The following PDXDC1 variants were observed in gnomAD, a reference collection of about 807,000 sequenced individuals.
The protein encoded by PDXDC1 is pyridoxal-dependent decarboxylase domain-containing protein 1.
A neutral mutation model predicts 100.1 loss-of-function variants in PDXDC1; 42 were observed. The ratio of observed to expected loss-of-function variants is 0.42; its 90% CI spans 0.33 to 0.54. The LOEUF (loss-of-function observed/expected upper bound fraction) is 0.54, where lower values mean the gene tolerates loss of function less well. Ranked by LOEUF, PDXDC1 falls within the 20% of genes least tolerant of loss-of-function variation. The probability of loss-of-function intolerance (pLI) is 0.10; values close to 1 mark genes in which losing one functional copy is unlikely to be tolerated. For missense variants in PDXDC1, 636 were observed against 979.2 expected (o/e 0.65, Z 4.68); for synonymous variants, 260 against 371.7 (o/e 0.70, Z 3.46).
chr16:15,140,222 A>T (rs1369026842), downstream of PDXDC1, among the ~76,000 whole-genome samples: 1 of 151,182 alleles, frequency 6.6e-6, no homozygotes, highest in African/African-American at 2.4e-5. Flanking sequence ...AGGCGGGCGG[A>T]TCACCTGAGG....
intron 16 of PDXDC1, chr16:15,094,286 C>G: frequency 7.1e-7 from 1 of 1,404,296 alleles, no homozygotes; most frequent in Non-Finnish European, 9.8e-7. Flanking sequence ...CAGCTCCTTC[C>G]AGCCACAGCC....
chr16:15,041,318 C>T (rs2043805305), downstream of PDXDC1, among the ~76,000 whole-genome samples: 1 of 152,112 alleles, frequency 6.6e-6, no homozygotes, highest in Admixed American at 6.5e-5. Flanking sequence ...CTGGCAGCTG[C>T]AGAATCGGTC....
intron 16 of PDXDC1, chr16:15,133,581 C>G (rs1463187595): frequency 9.2e-7 from 1 of 1,084,470 alleles, no homozygotes; most frequent in African/African-American, 1.6e-5. Context: ...GGGGGCAGCA[C>G]GGCTCCGTAG....
At chr16:15,106,674 G>A (rs2046816360) in intron 16 of PDXDC1, among the ~76,000 whole-genome samples, 1 of 144,828 alleles carries the variant, frequency 6.9e-6, no homozygotes, top group African/African-American at 2.4e-5. Flanking sequence ...GGAATCACTT[G>A]AACCTGGGAG....
intron 1 of PDXDC1, among the ~76,000 whole-genome samples, chr16:14,985,354 C>T (rs1305724843): frequency 2.2e-5 from 3 of 138,822 alleles, no homozygotes; most frequent in East Asian, 2.3e-4. Context: ...GTGGCACAAT[C>T]TCGGCTTACT....
At chr16:14,993,373 A>G (rs1281524437) in intron 1 of PDXDC1, among the ~76,000 whole-genome samples, 1 of 145,514 alleles carries the variant, frequency 6.9e-6, no homozygotes, top group East Asian at 2.1e-4. Context: ...TTTCCCACCT[A>G]TGAGTGAGAA....
chr16:15,108,306 T>C (rs1328969908), intron 16 of PDXDC1: 8 of 934,612 alleles, frequency 8.6e-6, no homozygotes, highest in African/African-American at 1.8e-5. Context: ...ATGTATAAAA[T>C]TCCCAGAACG....
intron 1 of PDXDC1, among the ~76,000 whole-genome samples, chr16:14,985,709 T>G (rs890468443): frequency 6.6e-6 from 1 of 152,296 alleles, no homozygotes; most frequent in African/African-American, 2.4e-5. Flanking sequence ...GTCAGAACTT[T>G]TAAGCAATTT....
chr16:15,094,444 G>GT, intron 16 of PDXDC1: 1 of 603,484 alleles, frequency 1.7e-6, no homozygotes, highest in Non-Finnish European at 2.9e-6. Context: ...GCGCTAGTGC[G>GT]TGAGTATAAG....
chr16:15,041,581 T>C, downstream of PDXDC1: 6 of 1,452,000 alleles, frequency 4.1e-6, no homozygotes, highest in East Asian at 2.3e-5. Flanking sequence ...AAAACGGTCC[T>C]GAGACCCACA....
intron 16 of PDXDC1, among the ~76,000 whole-genome samples, chr16:15,093,112 A>C (rs1470555521): frequency 4.6e-5 from 7 of 151,718 alleles, no homozygotes; most frequent in African/African-American, 1.2e-4. Context: ...TCAAGCAATT[A>C]TCCTGCCTCA....
At chr16:15,147,328 C>T in the PDXDC1 span, among the ~76,000 whole-genome samples, 13 of 152,316 alleles carry the variant, frequency 8.5e-5, no homozygotes, top group Middle Eastern at 3.4e-3. Flanking sequence ...GCACCCTGTG[C>T]GGCTGCAGGG....
At chr16:15,083,445 T>G in intron 16 of PDXDC1, 1 of 1,596,114 alleles carries the variant, frequency 6.3e-7, no homozygotes, top group South Asian at 1.1e-5. Context: ...GAAAAAGACC[T>G]AATATCATCT....
At position 15,021,344 on chromosome 16, in the gene PDXDC1, T is replaced by C. The variant is rs569779555; in HGVS notation, c.1090-1360T>C. Among the ~76,000 whole-genome samples, 4 of 151,904 alleles carry C rather than the reference T, an allele frequency of 2.6e-5. No individual in the cohort carries two copies. The East Asian group carries it at 7.9e-4, about 30-fold the overall frequency. On this transcript the variant is annotated intron_variant, in intron 12 of 22. Transcript: ENST00000396410. ...GTGAGCCCAAATAGCACTACTGCAC[T>C]ACTCCACTCCAGCCTGGGCGACAGA...
intron 16 of PDXDC1, chr16:15,094,216 A>T (rs765355630): frequency 1.9e-6 from 3 of 1,594,796 alleles, no homozygotes; most frequent in Non-Finnish European, 2.6e-6. Context: ...AACGCGTGTG[A>T]AGCAGCGGTG....
At chr16:15,052,215 G>A (rs1259351979) in intron 16 of PDXDC1, among the ~76,000 whole-genome samples, 2 of 152,188 alleles carry the variant, frequency 1.3e-5, no homozygotes. Context: ...AGACAATACA[G>A]ATGTGGCTGT....
At chr16:15,131,007 C>G (rs2048025198) in intron 16 of PDXDC1, 1 of 938,456 alleles carries the variant, frequency 1.1e-6, no homozygotes, top group Non-Finnish European at 1.7e-6. Context: ...ACCAGAGACA[C>G]CCATGGAAGC....
the PDXDC1 span, among the ~76,000 whole-genome samples, chr16:15,146,455 T>C: frequency 1.3e-5 from 2 of 152,092 alleles, no homozygotes; most frequent in Non-Finnish European, 2.9e-5. Flanking sequence ...TACTCGCGGC[T>C]CTGCCAATAC....
intron 1 of PDXDC1, chr16:14,988,372 A>G (rs1312081500): frequency 6.2e-7 from 1 of 1,614,134 alleles, no homozygotes; most frequent in Non-Finnish European, 8.5e-7. Context: ...AGGGAGGCCA[A>G]GCTGAACCAG....
Sources: gnomAD v4.1 joint callset for allele counts (sites outside exome capture counted in the v4.1 genomes callset) on GRCh38, gnomAD v4.1.1 for gene constraint, MANE v1.5 for transcripts, NCBI Gene and HGNC (gene_info 2026-07-23, HGNC 2026-07-21) for gene names.